Variants in GRID1 observed in about 807,000 individuals in gnomAD.
GRID1 encodes the protein glutamate receptor ionotropic, delta-1.
GRID1 carries 28 observed loss-of-function variants against 98.0 expected under a neutral mutation model. The observed-to-expected ratio is 0.29, with a 90% CI of 0.21 to 0.39. The LOEUF (loss-of-function observed/expected upper bound fraction) is 0.39. Among genes scored for constraint, GRID1 ranks in the 10% least tolerant of loss-of-function variants. GRID1 has a pLI of 1.00. For synonymous variants in GRID1, 553 were observed against 538.5 expected, an observed-to-expected ratio of 1.03 and a Z score of -0.37; for missense variants, 1,111 against 1,340.5, an observed-to-expected ratio of 0.83 and a Z score of 2.67.
intron 5 of GRID1, among the ~76,000 whole-genome samples, chr10:85,872,005 T>C (rs191900523): frequency 6.6e-6 from 1 of 152,144 alleles, no homozygotes. Flanking sequence ...AAATTGACAA[T>C]GTCCATATCT....
chr10:85,846,548 A>G (rs1420345040), intron 8 of GRID1, among the ~76,000 whole-genome samples: 3 of 152,216 alleles, frequency 2.0e-5, no homozygotes, highest in Non-Finnish European at 4.4e-5. Flanking sequence ...AAATAAGAAT[A>G]AAACAATTAT....
chr10:85,992,679 G>A (rs1033186328), intron 4 of GRID1, among the ~76,000 whole-genome samples: 6 of 152,152 alleles, frequency 3.9e-5, no homozygotes, highest in Non-Finnish European at 7.4e-5. Flanking sequence ...GCCAGGCACA[G>A]TGGCTCACGT....
At chr10:86,222,792 G>A (rs1305619850) in intron 2 of GRID1, among the ~76,000 whole-genome samples, 1 of 152,160 alleles carries the variant, frequency 6.6e-6, no homozygotes, top group African/African-American at 2.4e-5. Context: ...GCACTTCCCT[G>A]GAGCCCAGCT....
chr10:85,662,635 G>A (rs1406063774), intron 12 of GRID1, among the ~76,000 whole-genome samples: 3 of 152,204 alleles, frequency 2.0e-5, no homozygotes, highest in Non-Finnish European at 4.4e-5. Context: ...AAGAAGCCAT[G>A]TTCCCCCATG....
At chr10:85,779,991 A>G (rs1427849780) in intron 8 of GRID1, among the ~76,000 whole-genome samples, 2 of 152,204 alleles carry the variant, frequency 1.3e-5, no homozygotes, top group Non-Finnish European at 2.9e-5. Flanking sequence ...GGGCAGGTGC[A>G]GCACCATGCA....
intron 5 of GRID1, among the ~76,000 whole-genome samples, chr10:85,899,301 T>C (rs1041733373): frequency 6.6e-6 from 1 of 151,938 alleles, no homozygotes; most frequent in Non-Finnish European, 1.5e-5. Flanking sequence ...ACATTTTCTG[T>C]ATCCATTCAA....
chr10:85,767,348 C>A (rs1039435199), intron 8 of GRID1, among the ~76,000 whole-genome samples: 1 of 151,940 alleles, frequency 6.6e-6, no homozygotes, highest in Admixed American at 6.6e-5. Flanking sequence ...CTCCATTACC[C>A]AGGCTGCAAT....
chr10:85,608,278 C>T (rs959282764), intron 15 of GRID1, among the ~76,000 whole-genome samples: 1 of 152,164 alleles, frequency 6.6e-6, no homozygotes, highest in Non-Finnish European at 1.5e-5. Context: ...ATCAGAAGCA[C>T]AGGTGGAGAT....
At chr10:86,162,812 C>A (rs887465309) in intron 3 of GRID1, among the ~76,000 whole-genome samples, 1 of 152,172 alleles carries the variant, frequency 6.6e-6, no homozygotes. Context: ...CCAGAGAGAA[C>A]CTTCTGGGTC....
At chr10:85,652,973 GACA>G (rs1840845343) in intron 12 of GRID1, among the ~76,000 whole-genome samples, 1 of 152,158 alleles carries the variant, frequency 6.6e-6, no homozygotes, top group Non-Finnish European at 1.5e-5. Flanking sequence ...AAACATCAAT[GACA>G]ACAGCAACAA....
chr10:86,081,172 C>T (rs1430975323), intron 4 of GRID1, among the ~76,000 whole-genome samples: 1 of 152,048 alleles, frequency 6.6e-6, no homozygotes, highest in East Asian at 1.9e-4. Flanking sequence ...ATTCTGTCGC[C>T]CAGGCTGGCC....
At chr10:86,207,922 G>C (rs1453426543) in intron 2 of GRID1, among the ~76,000 whole-genome samples, 4 of 152,206 alleles carry the variant, frequency 2.6e-5, no homozygotes. Flanking sequence ...GAGCCACCGC[G>C]CCCGGCCGCA....
Position 86,325,308 on chromosome 10 carries a change from C to T in GRID1, c.235+38633G>A, listed in dbSNP as rs142306485. ...CCATGAAGTAGGCACTACTGTCCCA[C>T]GCATTGTACACAATGAAACTGATTT... On this transcript the variant is annotated intron_variant, in intron 2 of 15. Transcript: ENST00000327946. Among the ~76,000 whole-genome samples, 658 of 152,302 alleles carry T rather than the reference C, an allele frequency of 4.3e-3. 4 individuals are homozygous for T. Among genetic ancestry groups the T allele is most frequent in the Non-Finnish European group, 8.2e-3 (555 of 68,024 alleles).
At chr10:86,099,770 G>A (rs906937399) in intron 4 of GRID1, among the ~76,000 whole-genome samples, 4 of 152,092 alleles carry the variant, frequency 2.6e-5, no homozygotes, top group South Asian at 2.1e-4. Flanking sequence ...CTCAGGGTCC[G>A]ACTGCTTCAG....
At chr10:86,306,758 G>A (rs1282393747) in intron 2 of GRID1, among the ~76,000 whole-genome samples, 2 of 152,198 alleles carry the variant, frequency 1.3e-5, no homozygotes, top group Non-Finnish European at 2.9e-5. Flanking sequence ...GGACCATGTT[G>A]ACATTAAAGA....
At chr10:85,923,669 C>A (rs1003408397) in intron 4 of GRID1, among the ~76,000 whole-genome samples, 8 of 152,184 alleles carry the variant, frequency 5.3e-5, no homozygotes, top group South Asian at 2.1e-4. Context: ...TTCCCAAAGT[C>A]TCCCAGAAAG....
intron 2 of GRID1, among the ~76,000 whole-genome samples, chr10:86,284,301 T>C (rs1479267195): frequency 2.0e-5 from 3 of 151,970 alleles, no homozygotes; most frequent in Admixed American, 6.6e-5. Flanking sequence ...CATTCACCCC[T>C]ACACACACAC....
At chr10:85,939,108 C>T (rs1270528058) in intron 4 of GRID1, among the ~76,000 whole-genome samples, 1 of 152,140 alleles carries the variant, frequency 6.6e-6, no homozygotes. Context: ...CCGCCTGGTG[C>T]CTGGTCTGTA....
chr10:85,703,811 A>G (rs902657192), intron 12 of GRID1, among the ~76,000 whole-genome samples: 1 of 152,090 alleles, frequency 6.6e-6, no homozygotes, highest in African/African-American at 2.4e-5. Flanking sequence ...TCGATAGTTA[A>G]AAATTCTCCT....
Sources: gnomAD v4.1 joint callset for allele counts (sites outside exome capture counted in the v4.1 genomes callset) on GRCh38, gnomAD v4.1.1 for gene constraint, MANE v1.5 for transcripts, NCBI Gene and HGNC (gene_info 2026-07-23, HGNC 2026-07-21) for gene names.